Variants in DPH6 observed in about 807,000 individuals in gnomAD.
The protein encoded by DPH6 is diphthine--ammonia ligase.
In DPH6, 33 loss-of-function variants were observed where a neutral mutation model predicts 38.2. The observed-to-expected ratio is 0.86, with a 90% CI of 0.65 to 1.15. The LOEUF is 1.15. DPH6 is among the 50% of genes most tolerant of loss of function. The pLI, the probability that DPH6 is intolerant of heterozygous loss-of-function variation, is 0.00. For synonymous variants in DPH6, 108 were observed against 103.0 expected (o/e 1.05, Z -0.30); for missense variants, 325 against 320.0 (o/e 1.02, Z -0.12).
intron 3 of DPH6, among the ~76,000 whole-genome samples, chr15:35,458,354 A>G (rs947935175): frequency 6.6e-6 from 1 of 152,058 alleles, no homozygotes; most frequent in Non-Finnish European, 1.5e-5. Context: ...TTGACACGCA[A>G]CTCTAGGTAG....
chr15:35,353,124 T>C (rs2052529758), intron 3 of DPH6, among the ~76,000 whole-genome samples: 1 of 151,878 alleles, frequency 6.6e-6, no homozygotes, highest in Admixed American at 6.6e-5. Flanking sequence ...TTTGATGGGG[T>C]TGTTTGTTTT....
intron 6 of DPH6, 121 bp downstream of exon 6, chr15:35,410,714 T>C: frequency 1.4e-6 from 1 of 724,490 alleles, no homozygotes; most frequent in Non-Finnish European, 2.1e-6. Flanking sequence ...TTTTCATAAA[T>C]ATATTATGAA....
At chr15:35,420,027 A>G (rs903949302) in intron 5 of DPH6, among the ~76,000 whole-genome samples, 1 of 152,206 alleles carries the variant, frequency 6.6e-6, no homozygotes, top group Admixed American at 6.5e-5. Context: ...AGGAGAGATC[A>G]TATGTTTGGC....
chr15:35,406,388 A>T (rs2053293899), intron 6 of DPH6, among the ~76,000 whole-genome samples: 1 of 152,030 alleles, frequency 6.6e-6, no homozygotes, highest in African/African-American at 2.4e-5. Flanking sequence ...ATTTTGAAGC[A>T]TGGGGAGCAA....
chr15:35,360,563 T>C (rs8041932), intron 3 of DPH6, among the ~76,000 whole-genome samples: 1,975 of 152,218 alleles, frequency 0.013, 41 homozygotes, highest in African/African-American at 0.045. Context: ...GATAGATGTG[T>C]CTTTTGAAGG....
intron 3 of DPH6, among the ~76,000 whole-genome samples, chr15:35,351,506 A>C (rs891323380): frequency 1.3e-5 from 2 of 151,502 alleles, no homozygotes; most frequent in African/African-American, 4.9e-5. Context: ...TTGACTTGTG[A>C]TTTGATGATT....
At chr15:35,528,139 T>C (rs2055032749) in intron 3 of DPH6, among the ~76,000 whole-genome samples, 1 of 152,186 alleles carries the variant, frequency 6.6e-6, no homozygotes, top group Non-Finnish European at 1.5e-5. Context: ...TTTGAAAAGA[T>C]ACTAATATCA....
intron 3 of DPH6, chr15:35,520,992 T>C: frequency 1.0e-6 from 1 of 985,196 alleles, no homozygotes; most frequent in South Asian, 4.7e-5. Context: ...TCTCCAGTAA[T>C]ATGTCAACCT....
chr15:35,151,303 T>C, the DPH6 span, among the ~76,000 whole-genome samples: 2 of 152,252 alleles, frequency 1.3e-5, no homozygotes, highest in Admixed American at 6.5e-5. Context: ...GGGATCATAT[T>C]AGAATGAAGA....
chr15:35,538,975 T>C (rs1393687833), intron 2 of DPH6, among the ~76,000 whole-genome samples: 2 of 152,074 alleles, frequency 1.3e-5, no homozygotes, highest in African/African-American at 2.4e-5. Context: ...CAGGACCTTA[T>C]AATAAAACAT....
intron 3 of DPH6, among the ~76,000 whole-genome samples, chr15:35,265,795 C>A (rs2140422482): frequency 6.6e-6 from 1 of 152,166 alleles, no homozygotes; most frequent in African/African-American, 2.4e-5. Flanking sequence ...AGTAAATTGA[C>A]AAGTTAAAAA....
At chr15:35,312,010 GAAAAAAAA>G (rs10573455) in intron 3 of DPH6, among the ~76,000 whole-genome samples, 20 of 102,132 alleles carry the variant, frequency 2.0e-4, no homozygotes, top group African/African-American at 6.1e-4. Flanking sequence ...TTAAGAAAAT[GAAAAAAAA>G]AAAAAAAAAA....
intron 6 of DPH6, among the ~76,000 whole-genome samples, chr15:35,405,176 CT>C (rs1566897675): frequency 6.6e-6 from 1 of 151,328 alleles, no homozygotes; most frequent in African/African-American, 2.4e-5. Context: ...CAGTTTTGTT[CT>C]TTTTGCTATT....
chr15:35,346,179 A>G (rs1259921422), intron 3 of DPH6, among the ~76,000 whole-genome samples: 1 of 152,020 alleles, frequency 6.6e-6, no homozygotes, highest in African/African-American at 2.4e-5. Context: ...AACAGAATCT[A>G]GATTATATAG....
intron 5 of DPH6, among the ~76,000 whole-genome samples, chr15:35,431,793 G>A (rs2053635184): frequency 6.8e-6 from 1 of 147,810 alleles, no homozygotes; most frequent in South Asian, 2.1e-4. Context: ...ACTTGGCAAA[G>A]TTTTTTTTTT....
At chr15:35,320,388 G>A (rs773500939) in intron 3 of DPH6, among the ~76,000 whole-genome samples, 1 of 152,128 alleles carries the variant, frequency 6.6e-6, no homozygotes, top group African/African-American at 2.4e-5. Flanking sequence ...TATCTTTTGA[G>A]TGTATACACT....
intron 3 of DPH6, among the ~76,000 whole-genome samples, chr15:35,516,216 G>A (rs972966190): frequency 2.0e-5 from 3 of 152,080 alleles, no homozygotes; most frequent in Non-Finnish European, 4.4e-5. Flanking sequence ...AGACAGAAGA[G>A]CACAGCTAAA....
intron 3 of DPH6, among the ~76,000 whole-genome samples, chr15:35,347,559 C>T (rs2052473558): frequency 8.5e-6 from 1 of 117,852 alleles, no homozygotes; most frequent in Non-Finnish European, 1.8e-5. Context: ...GTTGCTTCCA[C>T]ATCTTGGCTA....
intron 5 of DPH6, among the ~76,000 whole-genome samples, chr15:35,441,671 G>A (rs929350876): frequency 6.6e-6 from 1 of 152,124 alleles, no homozygotes; most frequent in Non-Finnish European, 1.5e-5. Context: ...CGGGTGGGGG[G>A]TTAGGGGAGG....
Sources: allele counts gnomAD v4.1 joint callset (sites outside exome capture counted in the v4.1 genomes callset), GRCh38; gene constraint gnomAD v4.1.1; transcripts MANE v1.5; gene names NCBI Gene and HGNC (gene_info 2026-07-23, HGNC 2026-07-21).